IL34: variants seen among roughly 807,000 people sequenced by gnomAD.
IL34 encodes the protein interleukin-34.
IL34 carries 17 observed loss-of-function variants against 25.3 expected under a neutral mutation model. That is an observed-to-expected ratio of 0.67 (90% confidence interval 0.46 to 1.01). The LOEUF (loss-of-function observed/expected upper bound fraction) is 1.01, where lower values mean the gene tolerates loss of function less well. Ranked by LOEUF, IL34 falls within the 50% of genes least tolerant of loss-of-function variation. IL34 has a pLI of 0.00. For synonymous variants in IL34, 174 were observed against 140.9 expected, an observed-to-expected ratio of 1.23 and a Z score of -1.66; for missense variants, 368 against 312.9, an observed-to-expected ratio of 1.18 and a Z score of -1.33.
At chr16:70,628,501 T>A (rs147489135) in intron 1 of IL34, among the ~76,000 whole-genome samples, 11,858 of 148,306 alleles carry the variant, frequency 0.08, 1,562 homozygotes, top group African/African-American at 0.29. Flanking sequence ...TTATTTTTTT[T>A]TTTGAGACAG....
At chr16:70,580,197 G>A (rs1342142629) in intron 1 of IL34, 1 of 152,260 alleles carries the variant, frequency 6.6e-6, no homozygotes, top group Non-Finnish European at 1.5e-5. Flanking sequence ...CAGCCAAGAT[G>A]CTCTGAAGTA....
intron 1 of IL34, among the ~76,000 whole-genome samples, chr16:70,591,570 T>TAAAA (rs35725906): frequency 7.9e-6 from 1 of 127,190 alleles, no homozygotes; most frequent in East Asian, 2.2e-4. Flanking sequence ...TCCTGTCTCT[T>TAAAA]AAAAAAAAAA....
chr16:70,587,329 G>A (rs2050706469), intron 1 of IL34, among the ~76,000 whole-genome samples: 1 of 152,026 alleles, frequency 6.6e-6, no homozygotes, highest in Admixed American at 6.5e-5. Context: ...GAGTGCAGTG[G>A]CACAATCTGA....
chr16:70,653,469 CAGG>C (rs1265067705), intron 1 of IL34, among the ~76,000 whole-genome samples: 2 of 152,020 alleles, frequency 1.3e-5, no homozygotes, highest in Non-Finnish European at 2.9e-5. Flanking sequence ...GAGGCTGAGG[CAGG>C]AGAATTGCTT....
rs537661400 is a variant in IL34, at chr16:70,587,568, G to T, written c.-401+7519G>T. The stretch of plus-strand genomic sequence containing the variant: ...TTACAGGTGTGAGCCACCGCGCCCC[G>T]CTGACAGTGCTGAGTTTGAATCCCA... On this transcript the variant is annotated intron_variant, in intron 1 of 6. Transcript: ENST00000429149. 1.7e-3 allele frequency among the ~76,000 whole-genome samples: 264 copies of T among 151,548 alleles called. 3 individuals are homozygous for T. Among genetic ancestry groups the T allele is most frequent in the Non-Finnish European group, 7.2e-4 (49 of 67,882 alleles).
At chr16:70,619,201 G>A (rs1382184686) in intron 1 of IL34, among the ~76,000 whole-genome samples, 1 of 152,180 alleles carries the variant, frequency 6.6e-6, no homozygotes, top group African/African-American at 2.4e-5. Context: ...AAAGCGTGCT[G>A]CGGGATGGGA....
intron 1 of IL34, among the ~76,000 whole-genome samples, chr16:70,591,256 G>A (rs2050750634): frequency 6.6e-6 from 1 of 152,130 alleles, no homozygotes; most frequent in South Asian, 2.1e-4. Flanking sequence ...GATTCAATCT[G>A]TCCAACTCCA....
chr16:70,582,901 G>A (rs751398356), intron 1 of IL34, among the ~76,000 whole-genome samples: 9 of 152,160 alleles, frequency 5.9e-5, no homozygotes, highest in Non-Finnish European at 1.2e-4. Context: ...CAATTGATTA[G>A]GCAGAGATTG....
chr16:70,601,852 G>A (rs998241390), intron 1 of IL34, among the ~76,000 whole-genome samples: 5 of 152,246 alleles, frequency 3.3e-5, no homozygotes, highest in African/African-American at 4.8e-5. Context: ...TGTCCAGTTG[G>A]CTGCCTGGCC....
intron 1 of IL34, among the ~76,000 whole-genome samples, chr16:70,595,117 A>G (rs1409109017): frequency 5.3e-5 from 8 of 151,718 alleles, no homozygotes; most frequent in South Asian, 4.2e-4. Flanking sequence ...ACCACACCCA[A>G]CTAATTTTTT....
Position 70,653,041 on chromosome 16 carries a change from C to T in IL34, c.29-1497C>T, listed in dbSNP as rs373493816. The stretch of plus-strand genomic sequence containing the variant: ...CCAACATGGTGAAACCCCATCTCTA[C>T]TAAAAATACAAAATATTGGCCGGGT... On this transcript the variant is annotated intron_variant, in intron 1 of 5. Transcript: ENST00000288098. Among the ~76,000 whole-genome samples the T allele has an allele frequency of 9.2e-5, 14 of 152,128 alleles. No individual in the cohort carries two copies. The South Asian group carries it at 2.7e-3, about 29-fold the overall frequency.
chr16:70,594,030 A>G (rs1360606895), intron 1 of IL34, among the ~76,000 whole-genome samples: 10 of 152,198 alleles, frequency 6.6e-5, no homozygotes, highest in Non-Finnish European at 1.5e-4. Flanking sequence ...CTTGATTGCT[A>G]TAGCTTTAAG....
rs551235063 is a variant in IL34, at chr16:70,603,107, C to T, written c.-401+23058C>T. ...AGCTGGGCCCCGTGACTGACATCTG[C>T]GCTGTAGTTCCACTGGAGAAAAAAA... On this transcript the variant is annotated intron_variant, in intron 1 of 6. Transcript: ENST00000429149. 1.2e-4 allele frequency among the ~76,000 whole-genome samples: 18 copies of T among 151,958 alleles called. No individual in the cohort carries two copies. In the South Asian group the frequency reaches 3.5e-3, roughly 30 times the overall value.
intron 1 of IL34, among the ~76,000 whole-genome samples, chr16:70,638,648 G>T (rs1239918793): frequency 6.6e-6 from 1 of 152,086 alleles, no homozygotes. Context: ...ACCCGGGCTG[G>T]TCTTTCTGTG....
At chr16:70,582,522 C>T (rs1195675883) in intron 1 of IL34, among the ~76,000 whole-genome samples, 1 of 152,246 alleles carries the variant, frequency 6.6e-6, no homozygotes, top group Non-Finnish European at 1.5e-5. Flanking sequence ...ACCTCTCCGA[C>T]CCCCAGTTTC....
intron 1 of IL34, among the ~76,000 whole-genome samples, chr16:70,648,951 C>A (rs1431724333): frequency 6.6e-6 from 1 of 152,160 alleles, no homozygotes; most frequent in Non-Finnish European, 1.5e-5. Context: ...CTCCCTTTGT[C>A]TTTGCGTGGC....
intron 1 of IL34, among the ~76,000 whole-genome samples, chr16:70,633,781 A>G (rs1028902789): frequency 2.6e-5 from 4 of 151,794 alleles, no homozygotes; most frequent in East Asian, 1.9e-4. Context: ...CTGGTGTACA[A>G]TTCCTGGTGC....
chr16:70,600,670 T>C (rs1000247724), intron 1 of IL34, among the ~76,000 whole-genome samples: 1 of 152,248 alleles, frequency 6.6e-6, no homozygotes, highest in Non-Finnish European at 1.5e-5. Flanking sequence ...ATGTGCATTT[T>C]ACAATCAGTC....
upstream of IL34, among the ~76,000 whole-genome samples, chr16:70,641,564 T>TC (rs1262160479): frequency 6.8e-6 from 1 of 147,764 alleles, no homozygotes; most frequent in Admixed American, 6.7e-5. Context: ...TGCCTTTCTT[T>TC]CTTTTTTTTT....
Sources: allele counts gnomAD v4.1 joint callset (sites outside exome capture counted in the v4.1 genomes callset), GRCh38; gene constraint gnomAD v4.1.1; transcripts MANE v1.5; gene names NCBI Gene and HGNC (gene_info 2026-07-23, HGNC 2026-07-21).